ELAVL2: variants seen among roughly 807,000 people sequenced by gnomAD.
The protein encoded by ELAVL2 is ELAV like RNA binding protein 2.
A neutral mutation model predicts 34.6 loss-of-function variants in ELAVL2; 4 were observed. The ratio of observed to expected loss-of-function variants is 0.12; its 90% CI spans 0.06 to 0.26. The LOEUF (loss-of-function observed/expected upper bound fraction) is 0.26, where lower values mean the gene tolerates loss of function less well. ELAVL2 is among the 10% of genes least tolerant of loss of function. ELAVL2 has a pLI of 1.00. For synonymous variants in ELAVL2, 193 were observed against 154.8 expected (o/e 1.25, Z -1.83); for missense variants, 432 against 442.8 (o/e 0.98, Z 0.22).
intron 2 of ELAVL2, among the ~76,000 whole-genome samples, chr9:23,743,398 C>T (rs530191687): frequency 9.2e-5 from 14 of 152,208 alleles, no homozygotes; most frequent in Admixed American, 5.9e-4. Flanking sequence ...TTAAAATTCA[C>T]GGATACTTTG....
At chr9:23,780,533 G>C (rs140361868) in intron 1 of ELAVL2, among the ~76,000 whole-genome samples, 1 of 151,922 alleles carries the variant, frequency 6.6e-6, no homozygotes, top group African/African-American at 2.4e-5. Flanking sequence ...TGTGACCTTC[G>C]TAAAACTTAA....
intron 3 of ELAVL2, among the ~76,000 whole-genome samples, chr9:23,717,398 C>T (rs16907648): frequency 0.075 from 11,473 of 152,148 alleles, 1,367 homozygotes; most frequent in African/African-American, 0.26. Flanking sequence ...AAATTAGGTC[C>T]TCACTAAAGG....
chr9:23,813,644 CA>C (rs1276473647), intron 1 of ELAVL2, among the ~76,000 whole-genome samples: 3 of 152,028 alleles, frequency 2.0e-5, no homozygotes, highest in Non-Finnish European at 4.4e-5. Flanking sequence ...TCTAAAATCC[CA>C]GGGGGGGAGG....
intron 2 of ELAVL2, among the ~76,000 whole-genome samples, chr9:23,731,355 C>A (rs1301856642): frequency 6.6e-6 from 1 of 151,774 alleles, no homozygotes; most frequent in South Asian, 2.1e-4. Context: ...AAAAAACACA[C>A]ATCCCCAAAG....
intron 1 of ELAVL2, among the ~76,000 whole-genome samples, chr9:23,783,250 A>G (rs982640585): frequency 6.6e-6 from 1 of 152,250 alleles, no homozygotes; most frequent in African/African-American, 2.4e-5. Context: ...AGTCCTCCAA[A>G]TTAAAAACAG....
intron 2 of ELAVL2, among the ~76,000 whole-genome samples, chr9:23,750,391 A>G (rs1052565321): frequency 3.3e-5 from 5 of 152,158 alleles, no homozygotes; most frequent in Non-Finnish European, 1.5e-5. Flanking sequence ...TCCAATATGT[A>G]TAAAAGGGCT....
intron 1 of ELAVL2, among the ~76,000 whole-genome samples, chr9:23,762,893 T>C (rs2055361154): frequency 6.6e-6 from 1 of 152,106 alleles, no homozygotes; most frequent in African/African-American, 2.4e-5. Flanking sequence ...AGGAACTAAC[T>C]GTAAGGTAAC....
chr9:23,732,280 T>G (rs982039550), intron 2 of ELAVL2, among the ~76,000 whole-genome samples: 3 of 152,198 alleles, frequency 2.0e-5, no homozygotes, highest in Non-Finnish European at 4.4e-5. Context: ...TATCCTAATG[T>G]GGATACTTGT....
At chr9:23,837,294 C>G in the ELAVL2 span, among the ~76,000 whole-genome samples, 1 of 152,166 alleles carries the variant, frequency 6.6e-6, no homozygotes, top group Admixed American at 6.5e-5. Context: ...AAAAACACTG[C>G]TGGGAAAGTA....
At chr9:23,693,703 A>G (rs1156638321) in intron 5 of ELAVL2, among the ~76,000 whole-genome samples, 1 of 152,208 alleles carries the variant, frequency 6.6e-6, no homozygotes, top group Non-Finnish European at 1.5e-5. Context: ...AAGGGTCAGT[A>G]CATGGGACAC....
At chr9:23,733,884 T>C (rs1477959651) in intron 2 of ELAVL2, among the ~76,000 whole-genome samples, 1 of 152,118 alleles carries the variant, frequency 6.6e-6, no homozygotes, top group African/African-American at 2.4e-5. Context: ...TTCCACCTGA[T>C]ACCCTCAAGC....
In ELAVL2 at chr9:23,690,678, T is replaced by C. The variant is rs2032886749; in HGVS notation, c.*1879A>G. On this transcript the variant is annotated 3_prime_UTR_variant, in exon 7 of 7. Transcript: ENST00000397312. Reference sequence around the variant, plus strand: ...AAACTCAAAGCAACCGCAAAGATAATGTACAACTATGTTATGCATAGCACA... The same window carrying C: ...AAACTCAAAGCAACCGCAAAGATAACGTACAACTATGTTATGCATAGCACA... 6.6e-6 allele frequency: 1 copy of C among 152,540 alleles called. No individual in the cohort carries two copies. Among genetic ancestry groups the C allele is most frequent in the African/African-American group, 2.4e-5 (1 of 41,436 alleles). The allele number at this position is 152,540 out of a possible 1,614,324, so 9.4% of individuals were successfully genotyped here.
chr9:23,798,164 G>T (rs996405118), intron 1 of ELAVL2, among the ~76,000 whole-genome samples: 2 of 152,182 alleles, frequency 1.3e-5, no homozygotes, highest in African/African-American at 4.8e-5. Flanking sequence ...TCTCTTACAA[G>T]ATTCTAACTC....
At chr9:23,761,218 AGTCT>A (rs1204993597) in intron 2 of ELAVL2, among the ~76,000 whole-genome samples, 11 of 152,076 alleles carry the variant, frequency 7.2e-5, no homozygotes, top group Admixed American at 6.6e-5. Flanking sequence ...AAGTCCACAG[AGTCT>A]GTCTACCTTC....
At chr9:23,698,897 T>G (rs2036190813) in intron 5 of ELAVL2, among the ~76,000 whole-genome samples, 1 of 152,144 alleles carries the variant, frequency 6.6e-6, no homozygotes, top group Non-Finnish European at 1.5e-5. Context: ...GCACACTAAC[T>G]CGTTCATATT....
At chr9:23,702,956 A>C (rs1167583777) in intron 4 of ELAVL2, among the ~76,000 whole-genome samples, 818 of 63,004 alleles carry the variant, frequency 0.013, 13 homozygotes, top group African/African-American at 0.098. Flanking sequence ...ATTAGCAAAA[A>C]AAAAAAAAAA....
chr9:23,743,874 G>A (rs2049876440), intron 2 of ELAVL2, among the ~76,000 whole-genome samples: 1 of 152,220 alleles, frequency 6.6e-6, no homozygotes, highest in South Asian at 2.1e-4. Context: ...CCCACTCTTG[G>A]GGAAGGCGCT....
intron 2 of ELAVL2, among the ~76,000 whole-genome samples, chr9:23,734,450 T>C (rs570686488): frequency 6.6e-6 from 1 of 152,304 alleles, no homozygotes; most frequent in Admixed American, 6.5e-5. Context: ...AGGGAGGAAG[T>C]AGTAAAGTCA....
intron 3 of ELAVL2, among the ~76,000 whole-genome samples, chr9:23,721,857 C>A (rs534446162): frequency 6.6e-6 from 1 of 152,230 alleles, no homozygotes; most frequent in East Asian, 1.9e-4. Flanking sequence ...ATATGTAATA[C>A]ATGAAACATA....
Sources: allele counts gnomAD v4.1 joint callset (sites outside exome capture counted in the v4.1 genomes callset), GRCh38; gene constraint gnomAD v4.1.1; transcripts MANE v1.5; gene names NCBI Gene and HGNC (gene_info 2026-07-23, HGNC 2026-07-21).